PDE1A: variants seen among roughly 807,000 people sequenced by gnomAD.
PDE1A encodes phosphodiesterase 1A.
PDE1A carries 35 observed loss-of-function variants against 61.7 expected under a neutral mutation model. That is an observed-to-expected ratio of 0.57 (90% CI 0.43 to 0.75). PDE1A has a LOEUF of 0.75. Ranked by LOEUF, PDE1A falls within the 30% of genes least tolerant of loss-of-function variation. PDE1A has a pLI of 0.00. For missense variants in PDE1A, 597 were observed against 630.6 expected (o/e 0.95, Z 0.57); for synonymous variants, 232 against 213.2 (o/e 1.09, Z -0.77).
chr2:182,676,578 A>G, the PDE1A span, among the ~76,000 whole-genome samples: 1 of 152,206 alleles, frequency 6.6e-6, no homozygotes, highest in Non-Finnish European at 1.5e-5. Flanking sequence ...GGCCAGCATC[A>G]TCCTGATACC....
At chr2:182,671,274 C>T in the PDE1A span, among the ~76,000 whole-genome samples, 3 of 107,702 alleles carry the variant, frequency 2.8e-5, no homozygotes, top group East Asian at 5.7e-4. Context: ...AGGGTTCACG[C>T]CATTCTCCTG....
chr2:182,362,181 T>C (rs1462524210), intron 1 of PDE1A, among the ~76,000 whole-genome samples: 1 of 152,150 alleles, frequency 6.6e-6, no homozygotes, highest in African/African-American at 2.4e-5. Context: ...AAGAAGAACA[T>C]GTATTCATTC....
At chr2:182,501,804 T>C (rs1051457822) in intron 2 of PDE1A, among the ~76,000 whole-genome samples, 8 of 152,188 alleles carry the variant, frequency 5.3e-5, no homozygotes, top group Admixed American at 1.3e-4. Flanking sequence ...TTAGATCTCA[T>C]GGTCAATCTA....
chr2:182,583,229 G>C, the PDE1A span, among the ~76,000 whole-genome samples: 5 of 152,140 alleles, frequency 3.3e-5, no homozygotes, highest in East Asian at 9.6e-4. Flanking sequence ...CAGCTATTAC[G>C]CATTTAATAA....
In PDE1A at chr2:182,336,960, CTTTTTTTTT is replaced by C. The variant is rs71008221; in HGVS notation, c.54-72555_54-72547del. 8.0e-3 allele frequency among the ~76,000 whole-genome samples: 1,171 copies of C among 146,174 alleles called. 8 individuals are homozygous for C. Among genetic ancestry groups the C allele is most frequent in the East Asian group, 0.033 (165 of 4,952 alleles). On this transcript the variant is annotated intron_variant, in intron 1 of 13. Transcript: ENST00000351439. ...ACCTGCAGGTTCTGCACATGTATCCCTTTTTTTTTTTTTTTTAAATAAAGAATAAAAATA... is the reference window on the plus strand; with the variant it reads ...ACCTGCAGGTTCTGCACATGTATCCCTTTTTTTAAATAAAGAATAAAAATA...
chr2:182,213,650 C>A (rs1687876410), intron 7 of PDE1A, among the ~76,000 whole-genome samples: 1 of 93,830 alleles, frequency 1.1e-5, no homozygotes, highest in African/African-American at 4.0e-5. Flanking sequence ...ATGTGATCAA[C>A]TGGAAGAAAG....
chr2:182,561,449 G>T, the PDE1A span, among the ~76,000 whole-genome samples: 1 of 152,244 alleles, frequency 6.6e-6, no homozygotes, highest in South Asian at 2.1e-4. Flanking sequence ...TGCTGTTTTG[G>T]TTACTGTAGT....
At chr2:182,462,362 G>A (rs765387222) in intron 2 of PDE1A, among the ~76,000 whole-genome samples, 12 of 151,058 alleles carry the variant, frequency 7.9e-5, no homozygotes, top group Non-Finnish European at 1.6e-4. Flanking sequence ...TTATATATAT[G>A]TGTGTGTATA....
rs760681401 is a variant in PDE1A at position 182,240,334 on chromosome 2, G to A, written c.168-42C>T. On this transcript the variant is annotated intron_variant, in intron 2 of 13. Coordinates refer to ENST00000351439, the Ensembl canonical transcript of PDE1A. ...AGATTAAACTTTTTTATAAAAAAGTGAAGAAAAACATATAACAGAAAAACA... is the reference window on the plus strand; with the variant it reads ...AGATTAAACTTTTTTATAAAAAAGTAAAGAAAAACATATAACAGAAAAACA... 5 of 1,261,002 alleles carry A rather than the reference G, an allele frequency of 4.0e-6. No homozygotes were observed. In the Admixed American group the frequency reaches 1.0e-4, roughly 26 times the overall value. 78.1% of individuals were successfully genotyped at this position (1,261,002 alleles called of 1,614,324 possible).
At chr2:182,565,122 A>C in the PDE1A span, among the ~76,000 whole-genome samples, 1 of 152,006 alleles carries the variant, frequency 6.6e-6, no homozygotes, top group Admixed American at 6.6e-5. Context: ...GGAGGAGGAG[A>C]GGCGCTCTGC....
intron 2 of PDE1A, among the ~76,000 whole-genome samples, chr2:182,520,464 G>C (rs1350299863): frequency 6.6e-6 from 1 of 151,824 alleles, no homozygotes; most frequent in Non-Finnish European, 1.5e-5. Flanking sequence ...AATTAATTTT[G>C]CATGTACATA....
intron 1 of PDE1A, among the ~76,000 whole-genome samples, chr2:182,401,172 A>T (rs560358679): frequency 3.3e-5 from 5 of 152,334 alleles, no homozygotes; most frequent in African/African-American, 1.2e-4. Context: ...AACTCATTTT[A>T]TGATGCCAGC....
At chr2:182,185,285 A>G (rs976530418) in intron 13 of PDE1A, among the ~76,000 whole-genome samples, 2 of 152,142 alleles carry the variant, frequency 1.3e-5, no homozygotes, top group Admixed American at 1.3e-4. Context: ...TATGAAAGCT[A>G]ATTCCTGCAC....
rs1305553406 is a variant in PDE1A, at chr2:182,368,923, A to G, written c.53+57655T>C. On this transcript the variant is annotated intron_variant, in intron 1 of 13. Coordinates refer to ENST00000351439, the Ensembl canonical transcript of PDE1A. ...ATTATTATTTCAAGATTTATAAACT[A>G]TCCTTTTGGAAAGGAAAATGTTAGT... Among the ~76,000 whole-genome samples the G allele has an allele frequency of 3.3e-5, 5 of 152,340 alleles. 1 individual carries two copies. The highest frequency in any genetic ancestry group is 2.6e-4 in the Admixed American group (4 of 15,302).
chr2:182,525,028 CT>C (rs1690755996), upstream of PDE1A, among the ~76,000 whole-genome samples: 1 of 151,858 alleles, frequency 6.6e-6, no homozygotes, highest in Non-Finnish European at 1.5e-5. Context: ...GGTTTGAATC[CT>C]TATTCTTTCA....
intron 1 of PDE1A, among the ~76,000 whole-genome samples, chr2:182,349,160 A>G (rs1698705855): frequency 6.6e-6 from 1 of 152,194 alleles, no homozygotes; most frequent in African/African-American, 2.4e-5. Context: ...TGTGGATGCC[A>G]GGAGAAGTAT....
intron 1 of PDE1A, among the ~76,000 whole-genome samples, chr2:182,308,213 CAT>C (rs1695725178): frequency 6.6e-6 from 1 of 152,032 alleles, no homozygotes; most frequent in Non-Finnish European, 1.5e-5. Flanking sequence ...AAATACCACA[CAT>C]AACATATATA....
At chr2:182,466,630 A>T (rs1217016156) in intron 2 of PDE1A, among the ~76,000 whole-genome samples, 2 of 152,038 alleles carry the variant, frequency 1.3e-5, no homozygotes, top group African/African-American at 4.8e-5. Context: ...AAGAGGATTT[A>T]GAATACTAGA....
intron 8 of PDE1A, among the ~76,000 whole-genome samples, chr2:182,203,854 C>T (rs552055779): frequency 4.5e-4 from 68 of 151,806 alleles, no homozygotes; most frequent in African/African-American, 6.0e-4. Context: ...TGTTATCAAA[C>T]GTATAGCATC....
Sources: gnomAD v4.1 joint callset for allele counts (sites outside exome capture counted in the v4.1 genomes callset) on GRCh38, gnomAD v4.1.1 for gene constraint, MANE v1.5 for transcripts, NCBI Gene and HGNC (gene_info 2026-07-23, HGNC 2026-07-21) for gene names.